Variants in FAM47A observed in about 807,000 individuals in gnomAD.
The protein encoded by FAM47A is protein FAM47A.
In FAM47A, 1 loss-of-function variant was observed where a neutral mutation model predicts 2.6. The observed-to-expected ratio is 0.39, with a 90% CI of 0.14 to 1.83. The LOEUF (loss-of-function observed/expected upper bound fraction) is 1.83, where lower values mean the gene tolerates loss of function less well. FAM47A is among the 40% of genes most tolerant of loss of function. The pLI is 0.32. For synonymous variants in FAM47A, 278 were observed against 270.1 expected (o/e 1.03, Z -0.29); for missense variants, 657 against 673.1 (o/e 0.98, Z 0.26).
Position 34,131,435 on chromosome X carries a change from C to A in FAM47A, c.844G>T (p.Gly282Cys), listed in dbSNP as rs2147000227. ...GGTTCGTCAGTTGTCTTCTCCCGGCCCTCACAAGGAGCCCGTGCGTCTTCC... is the reference window on the plus strand; with the variant it reads ...GGTTCGTCAGTTGTCTTCTCCCGGCACTCACAAGGAGCCCGTGCGTCTTCC... The part of the protein sequence containing the change: ...KLEDARAPCE[G>C]REKTTDEPTE... The change falls in exon 1 of 1, where the codon GGC (glycine) becomes TGC (cysteine). Residue 282 changes from glycine to cysteine, a missense_variant. Physicochemically the swap from Gly to Cys is radical, Grantham distance 159. Transcript: ENST00000346193. 1.7e-6 allele frequency: 2 copies of A among 1,209,585 alleles called. No individual in the cohort carries two copies. Among genetic ancestry groups the A allele is most frequent in the Non-Finnish European group, 2.2e-6 (2 of 894,982 alleles).
At position 34,130,644 on chromosome X, in the gene FAM47A, C is replaced by G. The variant is rs188724518; in HGVS notation, c.1635G>C (p.Pro545=). Reference sequence around the variant, plus strand: ...ACACCCGACGACTCTTGGGAAGCTCCGGGCGGAGACTGGACACTCGACGAG... The same window carrying G: ...ACACCCGACGACTCTTGGGAAGCTCGGGGCGGAGACTGGACACTCGACGAG... The part of the protein sequence containing the change: ...PKTRRVSSLR[P]ELPKSRRVSS... The change falls in exon 1 of 1, where the codon CCG becomes CCC. Residue 545 remains proline (P), a synonymous_variant. Coordinates refer to ENST00000346193, the MANE Select transcript of FAM47A (RefSeq NM_203408.4). The G allele has an allele frequency of 5.8e-6, 7 of 1,208,336 alleles. No homozygotes were observed. The highest frequency in any genetic ancestry group is 7.8e-6 in the Non-Finnish European group (7 of 894,280).
rs1288586350 is a variant in FAM47A, at chrX:34,131,795, C to T, written c.484G>A (p.Ala162Thr). Residue 162 changes from alanine (A) to threonine (T), a missense_variant, in exon 1 of 1, where the codon GCT becomes ACT. Around this residue, in one of 3 missense-constraint regions of FAM47A, gnomAD observed 436 missense variants for 414.1 expected, o/e 1.05. Coordinates refer to ENST00000346193, the MANE Select transcript of FAM47A (RefSeq NM_203408.4). The part of the protein sequence containing the change: ...HLDPERELED[A>T]WACCETQEKT... ...TCCTGGGTCTCACAACAAGCCCAAG[C>T]GTCCTCCAGCTCCCTCTCAGGATCC... 1 of 1,211,066 alleles carries T rather than the reference C, an allele frequency of 8.3e-7. No homozygotes were observed. Among genetic ancestry groups the T allele is most frequent in the Admixed American group, 2.2e-5 (1 of 45,991 alleles).
At position 34,130,217 on chromosome X, in the gene FAM47A, C is replaced by T. The variant is rs780521265; in HGVS notation, c.2062G>A (p.Ala688Thr). The T allele has an allele frequency of 2.0e-5, 24 of 1,210,006 alleles. No homozygotes were observed. In the African/African-American group the frequency reaches 2.3e-4, roughly 11 times the overall value. The change falls in exon 1 of 1, where the codon GCA becomes ACA. Residue 688 changes from alanine (A) to threonine (T), a missense_variant. Coordinates refer to ENST00000346193, the MANE Select transcript of FAM47A (RefSeq NM_203408.4). ...CCATACTTCATCTTCACACGCTGTG[C>T]GGTATAAGAATTCGATGGCGTGTGG... The part of the protein sequence containing the change: ...KFHTPSNSYT[A>T]QRVKMKYGAW...
Position 34,131,595 on chromosome X carries a change from A to T in FAM47A, c.684T>A (p.Pro228=), listed in dbSNP as rs765088776. Residue 228 remains proline, a synonymous_variant, in exon 1 of 1, where the codon CCT becomes CCA. Transcript: ENST00000346193. ...TPVSSLRPEP[P]ETGVSHLRPE... ...GGCGGAGATGGGACACTCCAGTCTC[A>T]GGAGGCTCCGGGCGGAGACTGGACA... The T allele has an allele frequency of 8.6e-7, 1 of 1,168,924 alleles. No individual in the cohort carries two copies. The highest frequency in any genetic ancestry group is 1.1e-6 in the Non-Finnish European group (1 of 874,138).
In FAM47A at chrX:34,129,949, A is replaced by G; in HGVS notation, c.2330T>C (p.Ile777Thr). Residue 777 changes from isoleucine to threonine, a missense_variant, in exon 1 of 1, where the codon ATA (isoleucine) becomes ACA (threonine). Coordinates refer to ENST00000346193, the MANE Select transcript of FAM47A (RefSeq NM_203408.4). ...TACGATTTCTTTGTACTTGTAAAATATCATTGCACGTTGAATAGGAGTCTT... is the reference window on the plus strand; with the variant it reads ...TACGATTTCTTTGTACTTGTAAAATGTCATTGCACGTTGAATAGGAGTCTT... ...SVKTPIQRAM[I>T]FYKYKEIVEA... 1 of 1,204,901 alleles carries G rather than the reference A, an allele frequency of 8.3e-7. No homozygotes were observed. The highest frequency in any genetic ancestry group is 1.1e-6 in the Non-Finnish European group (1 of 893,011).
chrX:34,130,315 T>C lies in FAM47A; in HGVS notation c.1964A>G (p.Lys655Arg), dbSNP rs1922412157. The C allele has an allele frequency of 8.3e-7, 1 of 1,209,673 alleles. No individual in the cohort carries two copies. The highest frequency in any genetic ancestry group is 1.1e-6 in the Non-Finnish European group (1 of 895,203). ...CTTTTCATCTAGCTCCATGCTGTAC[T>C]TCAGCTCTGAGGAACACTCCTTTAC... ...KKVKECSSEL[K>R]YSMELDEKDE... The change falls in exon 1 of 1, where the codon AAG (lysine) becomes AGG (arginine). Residue 655 changes from lysine (K) to arginine (R), a missense_variant. Transcript: ENST00000346193.
chrX:34,132,268 T>C lies in FAM47A; in HGVS notation c.11A>G (p.Gln4Arg). The C allele has an allele frequency of 8.6e-7, 1 of 1,163,361 alleles. No individual in the cohort carries two copies. Among genetic ancestry groups the C allele is most frequent in the Non-Finnish European group, 1.1e-6 (1 of 872,455 alleles). ...GGACCTCAGCCAGTCCTGCAGCCTCTGGTCCCCCATGGTGGCCCTCGCTGT... is the reference window on the plus strand; with the variant it reads ...GGACCTCAGCCAGTCCTGCAGCCTCCGGTCCCCCATGGTGGCCCTCGCTGT... MGD[Q>R]RLQDWLRSPG... The change falls in exon 1 of 1, where the codon CAG becomes CGG. Residue 4 changes from glutamine to arginine, a missense_variant. Coordinates refer to ENST00000346193, the MANE Select transcript of FAM47A (RefSeq NM_203408.4).
Position 34,130,252 on chromosome X carries a change from C to T in FAM47A, c.2027G>A (p.Gly676Asp). The change falls in exon 1 of 1, where the codon GGC (glycine) becomes GAC (aspartate). Residue 676 changes from glycine (G) to aspartate (D), a missense_variant. By Grantham distance (94) the Gly-to-Asp change is moderately conservative. Transcript: ENST00000346193. ...ATTCGATGGCGTGTGGAATTTCCTG[C>T]CCCAGTATTTTTCCTGTGAGAAGAA... ...DKFFSQEKYW[G>D]RKFHTPSNSY... The T allele has an allele frequency of 8.3e-7, 1 of 1,210,394 alleles. No individual in the cohort carries two copies. The highest frequency in any genetic ancestry group is 1.1e-6 in the Non-Finnish European group (1 of 894,840).
rs762896442 is a variant in FAM47A, at chrX:34,129,901, G to A, written c.*2C>T. The stretch of plus-strand genomic sequence containing the variant: ...CCAATTGAGTAGTAAATTGAAAACT[G>A]CCTAATCTTCTTCCGATGCCTCTAC... On this transcript the variant is annotated 3_prime_UTR_variant, in exon 1 of 1. Transcript: ENST00000346193. The A allele has an allele frequency of 2.6e-6, 3 of 1,172,330 alleles. No homozygotes were observed. The South Asian group carries it at 5.9e-5, about 23-fold the overall frequency.
chrX:34,131,761 G>A lies in FAM47A; in HGVS notation c.518C>T (p.Thr173Ile). The stretch of plus-strand genomic sequence containing the variant: ...TTTACCAGGCTCAGTGGGTACCTCT[G>A]TTGTCTTCTCCTGGGTCTCACAACA... ...WACCETQEKT[T>I]EVPTEPGKHP... Residue 173 changes from threonine (T) to isoleucine (I), a missense_variant, in exon 1 of 1, where the codon ACA becomes ATA. Physicochemically the swap from Thr to Ile is moderately conservative, Grantham distance 89. This residue lies in a region of FAM47A where 436 missense variants were observed against 414.1 expected (regional missense o/e 1.05). Transcript: ENST00000346193. 8.3e-7 allele frequency: 1 copy of A among 1,209,438 alleles called. No homozygotes were observed.
In FAM47A at chrX:34,129,908, C is replaced by G. The variant is rs58540664; in HGVS notation, c.2371G>C (p.Asp791His). 1.1e-5 allele frequency: 13 copies of G among 1,178,531 alleles called. No individual in the cohort carries two copies. The highest frequency in any genetic ancestry group is 1.4e-5 in the Non-Finnish European group (12 of 878,898). The change falls in exon 1 of 1, where the codon GAT becomes CAT. Residue 791 changes from aspartate to histidine, a missense_variant. Transcript: ENST00000346193. ...YKEIVEASEE[D>H] ...AGTAGTAAATTGAAAACTGCCTAAT[C>G]TTCTTCCGATGCCTCTACGATTTCT...
Position 34,131,443 on chromosome X carries a change from G to A in FAM47A, c.836C>T (p.Pro279Leu). ...AGTTGTCTTCTCCCGGCCCTCACAAGGAGCCCGTGCGTCTTCCAGCTTCCT... is the reference window on the plus strand; with the variant it reads ...AGTTGTCTTCTCCCGGCCCTCACAAAGAGCCCGTGCGTCTTCCAGCTTCCT... Reference protein sequence around the residue: ...SERKLEDARAPCEGREKTTDE... With the variant: ...SERKLEDARALCEGREKTTDE... The change falls in exon 1 of 1, where the codon CCT becomes CTT. Residue 279 changes from proline (P) to leucine (L), a missense_variant. Around this residue, in one of 3 missense-constraint regions of FAM47A, gnomAD observed 436 missense variants for 414.1 expected, o/e 1.05. Transcript: ENST00000346193. 8.3e-7 allele frequency: 1 copy of A among 1,209,723 alleles called. No homozygotes were observed. The highest frequency in any genetic ancestry group is 1.8e-5 in the South Asian group (1 of 56,847).
In FAM47A at chrX:34,131,494, C is replaced by G. The variant is rs761415324; in HGVS notation, c.785G>C (p.Arg262Pro). ...PITRRRSSLL[R>P]QLLKLDSERK... is the part of the protein sequence containing the mutation. Reference sequence around the variant, plus strand: ...CTCAGAATCCAGTTTCAGCAGCTGTCGTAGGAGACTGGATCTCCGACGAGT... The same window carrying G: ...CTCAGAATCCAGTTTCAGCAGCTGTGGTAGGAGACTGGATCTCCGACGAGT... Residue 262 changes from arginine (R) to proline (P), a missense_variant, in exon 1 of 1, where the codon CGA becomes CCA. Around this residue, in one of 3 missense-constraint regions of FAM47A, gnomAD observed 436 missense variants for 414.1 expected, o/e 1.05. Coordinates refer to ENST00000346193, the MANE Select transcript of FAM47A (RefSeq NM_203408.4). 15 of 1,199,696 alleles carry G rather than the reference C, an allele frequency of 1.3e-5. No homozygotes were observed. Among genetic ancestry groups the G allele is most frequent in the Non-Finnish European group, 1.6e-5 (14 of 892,220 alleles).
In FAM47A at chrX:34,131,059, C is replaced by G; in HGVS notation, c.1220G>C (p.Gly407Ala). The G allele has an allele frequency of 1.7e-6, 2 of 1,193,032 alleles. No individual in the cohort carries two copies. The highest frequency in any genetic ancestry group is 1.9e-5 in the South Asian group (1 of 53,410). Residue 407 changes from glycine to alanine, a missense_variant, in exon 1 of 1, where the codon GGA (glycine) becomes GCA (alanine). By Grantham distance (60) the Gly-to-Ala change is moderately conservative. Around this residue, in one of 3 missense-constraint regions of FAM47A, gnomAD observed 436 missense variants for 414.1 expected, o/e 1.05. Transcript: ENST00000346193. Reference sequence around the variant, plus strand: ...AGGTTCCAGGCGGAGATGGCACACTCCAGTCTTGGGAGGCACTGGGTGGAG... The same window carrying G: ...AGGTTCCAGGCGGAGATGGCACACTGCAGTCTTGGGAGGCACTGGGTGGAG... ...SHLHPVPPKT[G>A]VCHLRLEPPD...
chrX:34,131,653 G>T lies in FAM47A; in HGVS notation c.626C>A (p.Ser209Tyr), dbSNP rs1049055299. The change falls in exon 1 of 1, where the codon TCC (serine) becomes TAC (tyrosine). Residue 209 changes from serine to tyrosine, a missense_variant. This residue lies in a region of FAM47A where 436 missense variants were observed against 414.1 expected (regional missense o/e 1.05). Transcript: ENST00000346193. ...LLPEPPETGV[S>Y]HLSPEPPKTP... is the part of the protein sequence containing the mutation. ...CTTGGGAGGCTCCGGGCTTAGATGG[G>T]ACACTCCAGTCTCGGGAGGCTCTGG... 4.1e-6 allele frequency: 5 copies of T among 1,207,943 alleles called. No homozygotes were observed. Among genetic ancestry groups the T allele is most frequent in the African/African-American group, 1.8e-5 (1 of 56,576 alleles).
In FAM47A at chrX:34,130,044, G is replaced by T. The variant is rs1338658080; in HGVS notation, c.2235C>A (p.Ser745Arg). 1 of 1,211,739 alleles carries T rather than the reference G, an allele frequency of 8.3e-7. No individual in the cohort carries two copies. The highest frequency in any genetic ancestry group is 2.2e-5 in the Admixed American group (1 of 46,039). ...TGATGCCAGGCATTTCATAGCCCTT[G>T]CTTAGAATGAAATCCTTAAAGGCAA... ...GPIAFKDFIL[S>R]KGYEMPGIIQ... The change falls in exon 1 of 1, where the codon AGC becomes AGA. Residue 745 changes from serine to arginine, a missense_variant. Around this residue, in one of 3 missense-constraint regions of FAM47A, gnomAD observed 198 missense variants for 203.4 expected, o/e 0.97. Coordinates refer to ENST00000346193, the MANE Select transcript of FAM47A (RefSeq NM_203408.4).
Position 34,130,069 on chromosome X carries a change from A to G in FAM47A, c.2210T>C (p.Ile737Thr), listed in dbSNP as rs748336924. The change falls in exon 1 of 1, where the codon ATT (isoleucine) becomes ACT (threonine). Residue 737 changes from isoleucine to threonine, a missense_variant. Physicochemically the swap from Ile to Thr is moderately conservative, Grantham distance 89 (BLOSUM62 -1). Around this residue, in one of 3 missense-constraint regions of FAM47A, gnomAD observed 198 missense variants for 203.4 expected, o/e 0.97. Transcript: ENST00000346193. ...PDVLDDLYGPIAFKDFILSKG... is the reference protein window; with the variant it reads ...PDVLDDLYGPTAFKDFILSKG... ...GCTTAGAATGAAATCCTTAAAGGCA[A>G]TTGGTCCATAAAGATCGTCAAGAAC... 1.5e-5 allele frequency: 18 copies of G among 1,210,028 alleles called. No individual in the cohort carries two copies. Among genetic ancestry groups the G allele is most frequent in the East Asian group, 3.0e-5 (1 of 33,782 alleles).
chrX:34,131,723 C>G lies in FAM47A; in HGVS notation c.556G>C (p.Glu186Gln). Residue 186 changes from glutamate to glutamine, a missense_variant, in exon 1 of 1, where the codon GAA (glutamate) becomes CAA (glutamine). By Grantham distance (29) the Glu-to-Gln change is conservative. Around this residue, in one of 3 missense-constraint regions of FAM47A, gnomAD observed 436 missense variants for 414.1 expected, o/e 1.05. Coordinates refer to ENST00000346193, the MANE Select transcript of FAM47A (RefSeq NM_203408.4). ...PTEPGKHPCGEFCLKPPETPV... is the reference protein window; with the variant it reads ...PTEPGKHPCGQFCLKPPETPV... ...GTCTCGGGAGGCTTCAGGCAGAATT[C>G]CCCACAGGGATGTTTACCAGGCTCA... The G allele has an allele frequency of 3.3e-6, 4 of 1,207,726 alleles. No homozygotes were observed. The highest frequency in any genetic ancestry group is 4.5e-6 in the Non-Finnish European group (4 of 893,815).
chrX:34,131,733 A>G lies in FAM47A; in HGVS notation c.546T>C (p.His182=). 8.3e-7 allele frequency: 1 copy of G among 1,206,364 alleles called. No individual in the cohort carries two copies. Among genetic ancestry groups the G allele is most frequent in the Non-Finnish European group, 1.1e-6 (1 of 893,387 alleles). Residue 182 remains histidine (H), a synonymous_variant, in exon 1 of 1, where the codon CAT becomes CAC. Coordinates refer to ENST00000346193, the MANE Select transcript of FAM47A (RefSeq NM_203408.4). ...TTEVPTEPGK[H]PCGEFCLKPP... is the part of the protein sequence containing the mutation. ...GCTTCAGGCAGAATTCCCCACAGGG[A>G]TGTTTACCAGGCTCAGTGGGTACCT...
Sources: allele counts gnomAD v4.1 joint callset, GRCh38; gene constraint gnomAD v4.1.1; regional missense constraint gnomAD v4.1.1; transcripts MANE v1.5; gene names NCBI Gene and HGNC (gene_info 2026-07-23, HGNC 2026-07-21).